The following MTF2 variants were observed in gnomAD, a reference collection of about 807,000 sequenced individuals.
MTF2 encodes the protein metal response element binding transcription factor 2.
A neutral mutation model predicts 79.5 loss-of-function variants in MTF2; 11 were observed. The ratio of observed to expected loss-of-function variants is 0.14; its 90% CI spans 0.09 to 0.23. The LOEUF (loss-of-function observed/expected upper bound fraction) is 0.23. MTF2 is among the 10% of genes least tolerant of loss of function. The pLI is 1.00. For synonymous variants in MTF2, 208 were observed against 232.8 expected (o/e 0.89, Z 0.97); for missense variants, 486 against 711.2 (o/e 0.68, Z 3.60).
chr1:93,088,571 A>G (rs1297270678), intron 1 of MTF2, among the ~76,000 whole-genome samples: 1 of 152,152 alleles, frequency 6.6e-6, no homozygotes, highest in Non-Finnish European at 1.5e-5. Flanking sequence ...AGTGTCATTT[A>G]CAATTTTTTT....
Position 93,115,545 on chromosome 1 carries a change from G to A in MTF2, c.559G>A (p.Ala187Thr). The A allele has an allele frequency of 1.2e-6, 2 of 1,612,100 alleles. No homozygotes were observed. Among genetic ancestry groups the A allele is most frequent in the Non-Finnish European group, 1.7e-6 (2 of 1,179,072 alleles). ...VMKQTLPYSV[A>T]DLEWDAGHKT... is the part of the protein sequence containing the mutation. ...GAAGCAGACATTACCCTATAGTGTG[G>A]CAGACCTTGAATGGGATGCAGGTCA... The change falls in exon 6 of 15, where the codon GCA becomes ACA. Residue 187 changes from alanine to threonine, a missense_variant. Physicochemically the swap from Ala to Thr is moderately conservative, Grantham distance 58 (BLOSUM62 0). Transcript: ENST00000370298.
chr1:93,126,337 T>C (rs1656696272), intron 9 of MTF2, among the ~76,000 whole-genome samples: 1 of 152,068 alleles, frequency 6.6e-6, no homozygotes, highest in Non-Finnish European at 1.5e-5. Context: ...GTAGATGACT[T>C]ACAAGTTTTT....
At chr1:93,104,476 C>G (rs1655675607) in intron 1 of MTF2, among the ~76,000 whole-genome samples, 1 of 151,296 alleles carries the variant, frequency 6.6e-6, no homozygotes, top group Non-Finnish European at 1.5e-5. Context: ...GTCAGGAGAT[C>G]AAGACCATTC....
intron 1 of MTF2, among the ~76,000 whole-genome samples, chr1:93,089,131 A>C (rs868527939): frequency 4.6e-5 from 7 of 152,140 alleles, no homozygotes; most frequent in Admixed American, 4.6e-4. Context: ...GCTATTTTTA[A>C]TTCTAGGGGG....
chr1:93,130,327 T>C (rs895837630), intron 11 of MTF2, among the ~76,000 whole-genome samples: 11 of 152,250 alleles, frequency 7.2e-5, no homozygotes, highest in Admixed American at 7.2e-4. Flanking sequence ...CCTGTAATCC[T>C]AGCACTTTGG....
chr1:93,136,480 G>T (rs559973917), intron 14 of MTF2, among the ~76,000 whole-genome samples, 190 bp from the exon 15 acceptor site: 2 of 152,276 alleles, frequency 1.3e-5, no homozygotes, highest in Non-Finnish European at 1.5e-5. Context: ...CTCCAAGAAC[G>T]TGACAAAATC....
intron 11 of MTF2, among the ~76,000 whole-genome samples, chr1:93,132,656 C>T (rs1375814907): frequency 6.6e-6 from 1 of 152,148 alleles, no homozygotes; most frequent in African/African-American, 2.4e-5. Context: ...TCTAGTTCCC[C>T]TACTTTCTCC....
chr1:93,123,300 T>C (rs1050187604), intron 9 of MTF2, among the ~76,000 whole-genome samples: 1 of 146,098 alleles, frequency 6.8e-6, no homozygotes, highest in Non-Finnish European at 1.5e-5. Context: ...CAGGCTGGAG[T>C]GCAATGGTAC....
chr1:93,118,592 T>A, intron 7 of MTF2, 152 bp downstream of exon 7: 1 of 519,394 alleles, frequency 1.9e-6, no homozygotes, highest in South Asian at 3.7e-5. Flanking sequence ...ACTTAAAATA[T>A]ACGTAATTTT....
chr1:93,099,380 C>T (rs1655434784), intron 1 of MTF2, among the ~76,000 whole-genome samples: 2 of 152,014 alleles, frequency 1.3e-5, no homozygotes, highest in South Asian at 2.1e-4. Flanking sequence ...TATGCCTAGA[C>T]ACATCATTAT....
At chr1:93,123,854 C>A (rs1379552512) in intron 9 of MTF2, among the ~76,000 whole-genome samples, 1 of 146,850 alleles carries the variant, frequency 6.8e-6, no homozygotes, top group Non-Finnish European at 1.5e-5. Context: ...AGGTTGTCCC[C>A]TTCTGCCACA....
rs1219730506 is a variant in MTF2, at chr1:93,133,724, A to T, written c.1182A>T (p.Glu394Asp). The T allele has an allele frequency of 6.2e-7, 1 of 1,611,354 alleles. No individual in the cohort carries two copies. The highest frequency in any genetic ancestry group is 2.2e-5 in the East Asian group (1 of 44,796). Residue 394 changes from glutamate to aspartate, a missense_variant, in exon 12 of 15, where the codon GAA becomes GAT. Glu to Asp is a conservative substitution (Grantham distance 45, BLOSUM62 2). Transcript: ENST00000370298. ...TCAGGGAAGTAAGCAATGGCATAGAAAAAAAAGGAAAGAAAAAATCTGTAG... is the reference window on the plus strand; with the variant it reads ...TCAGGGAAGTAAGCAATGGCATAGATAAAAAAGGAAAGAAAAAATCTGTAG... ...SDSREVSNGIEKKGKKKSVGR... is the reference protein window; with the variant it reads ...SDSREVSNGIDKKGKKKSVGR...
chr1:93,100,558 C>T (rs754766035), intron 1 of MTF2, among the ~76,000 whole-genome samples: 15 of 152,136 alleles, frequency 9.9e-5, no homozygotes, highest in Non-Finnish European at 2.1e-4. Flanking sequence ...CTGCCCGCCT[C>T]GGCCTCCCAA....
chr1:93,123,773 T>C, intron 9 of MTF2, among the ~76,000 whole-genome samples: 1 of 141,516 alleles, frequency 7.1e-6, no homozygotes, highest in Non-Finnish European at 1.6e-5. Context: ...CCCCCCCCCT[T>C]TTTTTAATAA....
chr1:93,085,232 G>A (rs1010778928), intron 1 of MTF2, among the ~76,000 whole-genome samples: 2 of 150,020 alleles, frequency 1.3e-5, no homozygotes, highest in Non-Finnish European at 1.5e-5. Flanking sequence ...CTGGAGTGCA[G>A]TGGCACCATC....
chr1:93,082,216 A>G lies in MTF2; in HGVS notation c.5+2685A>G, dbSNP rs560420476. On this transcript the variant is annotated intron_variant, in intron 1 of 14. Transcript: ENST00000370298. ...CTTTGGTAGAAAAAACTTAAGGAAT[A>G]TTTCAAACATAATACAAAGTGAGCA... 1.6e-4 allele frequency among the ~76,000 whole-genome samples: 24 copies of G among 151,986 alleles called. No individual in the cohort carries two copies. In the Middle Eastern group the frequency reaches 0.017, roughly 110 times the overall value.
intron 1 of MTF2, among the ~76,000 whole-genome samples, chr1:93,084,554 G>A (rs1413509947): frequency 3.3e-5 from 5 of 152,136 alleles, no homozygotes; most frequent in Admixed American, 1.3e-4. Flanking sequence ...GGTAGGTATT[G>A]TATTGAATCT....
chr1:93,116,408 A>G (rs989898367), intron 6 of MTF2, among the ~76,000 whole-genome samples: 4 of 151,396 alleles, frequency 2.6e-5, no homozygotes, highest in Admixed American at 6.6e-5. Flanking sequence ...CTTTTGGCCT[A>G]TCTTGGCTTT....
In MTF2 at chr1:93,137,192, G is replaced by A. The variant is rs746507513; in HGVS notation, c.*165G>A. Reference sequence around the variant, plus strand: ...CTTAACATGTACCTGTCAATGTTATGGATATTGTCATAAAAAGGTATCTTT... The same window carrying A: ...CTTAACATGTACCTGTCAATGTTATAGATATTGTCATAAAAAGGTATCTTT... On this transcript the variant is annotated 3_prime_UTR_variant, in exon 15 of 15. Coordinates refer to ENST00000370298, the MANE Select transcript of MTF2 (RefSeq NM_007358.4). 1 of 506,144 alleles carries A rather than the reference G, an allele frequency of 2.0e-6. No homozygotes were observed. Among genetic ancestry groups the A allele is most frequent in the Non-Finnish European group, 3.4e-6 (1 of 291,504 alleles). 31.4% of individuals were successfully genotyped at this position (506,144 alleles called of 1,614,324 possible).
Sources: gnomAD v4.1 joint callset for allele counts (sites outside exome capture counted in the v4.1 genomes callset) on GRCh38, gnomAD v4.1.1 for gene constraint, MANE v1.5 for transcripts, NCBI Gene and HGNC (gene_info 2026-07-23, HGNC 2026-07-21) for gene names.